Variants in FHIT observed in about 807,000 individuals in gnomAD.
FHIT encodes the protein bis(5'-adenosyl)-triphosphatase.
Under a neutral mutation model 17.9 loss-of-function variants are expected in FHIT, and 19 were observed. The ratio of observed to expected loss-of-function variants is 1.06; its 90% CI spans 0.74 to 1.56. The LOEUF is 1.56. FHIT is among the 40% of genes most tolerant of loss of function. The pLI is 0.00. For synonymous variants in FHIT, 81 were observed against 69.7 expected, an observed-to-expected ratio of 1.16 and a Z score of -0.81; for missense variants, 248 against 189.2, an observed-to-expected ratio of 1.31 and a Z score of -1.82.
At chr3:61,154,270 C>T (rs75939878) in intron 2 of FHIT, among the ~76,000 whole-genome samples, 5 of 152,058 alleles carry the variant, frequency 3.3e-5, no homozygotes, top group Admixed American at 6.6e-5. Flanking sequence ...CTAAATGAAC[C>T]GAACATATTA....
chr3:60,013,724 C>T (rs1700227459), intron 6 of FHIT, among the ~76,000 whole-genome samples: 1 of 152,170 alleles, frequency 6.6e-6, no homozygotes, highest in Admixed American at 6.5e-5. Context: ...AGTCCCAGTT[C>T]CAGTAAGCAA....
At chr3:60,561,656 T>C (rs1315317240) in intron 4 of FHIT, among the ~76,000 whole-genome samples, 1 of 152,170 alleles carries the variant, frequency 6.6e-6, no homozygotes, top group Non-Finnish European at 1.5e-5. Flanking sequence ...TTTGTAGTTC[T>C]GACACCATTC....
chr3:60,116,310 G>A (rs1019600694), intron 5 of FHIT, among the ~76,000 whole-genome samples: 1 of 152,132 alleles, frequency 6.6e-6, no homozygotes, highest in South Asian at 2.1e-4. Flanking sequence ...GGAAAAGGTG[G>A]TGTGTAACTT....
At chr3:60,066,427 A>G (rs895197946) in intron 5 of FHIT, among the ~76,000 whole-genome samples, 2 of 152,050 alleles carry the variant, frequency 1.3e-5, no homozygotes, top group African/African-American at 2.4e-5. Context: ...CACTTTGTCA[A>G]TATCTCCATG....
chr3:61,225,599 C>A (rs1412629527), intron 1 of FHIT, among the ~76,000 whole-genome samples: 1 of 152,146 alleles, frequency 6.6e-6, no homozygotes, highest in Admixed American at 6.5e-5. Context: ...ATACTTTCTG[C>A]GGTTTCAGTA....
intron 4 of FHIT, among the ~76,000 whole-genome samples, chr3:60,640,186 T>G (rs563989463): frequency 6.6e-6 from 1 of 152,268 alleles, no homozygotes; most frequent in South Asian, 2.1e-4. Context: ...GTGGCAGAAA[T>G]GTTCTGCACC....
chr3:60,089,503 G>A (rs537423083), intron 5 of FHIT, among the ~76,000 whole-genome samples: 6 of 152,182 alleles, frequency 3.9e-5, no homozygotes, highest in South Asian at 2.1e-4. Flanking sequence ...ATAAATGGAC[G>A]GAAAGAGGCC....
chr3:60,304,741 C>T (rs1708598438), intron 5 of FHIT, among the ~76,000 whole-genome samples: 1 of 152,026 alleles, frequency 6.6e-6, no homozygotes, highest in African/African-American at 2.4e-5. Context: ...CCCTGTACTC[C>T]TATTTGCTAA....
In FHIT at chr3:59,906,998, T is replaced by C. The variant is rs13313997; in HGVS notation, c.348+15348A>G. 8.1e-3 allele frequency among the ~76,000 whole-genome samples: 1,236 copies of C among 152,344 alleles called. 23 individuals are homozygous for C. The highest frequency in any genetic ancestry group is 0.028 in the African/African-American group (1,169 of 41,580). On this transcript the variant is annotated intron_variant, in intron 8 of 9. Coordinates refer to ENST00000492590, the MANE Select transcript of FHIT (RefSeq NM_002012.4). ...CTCAGGGCAAGTGATTCTTTCTCAA[T>C]TGAACTATTTAGTGTCATAGAATCA...
chr3:60,736,902 G>A (rs9311777), intron 4 of FHIT, among the ~76,000 whole-genome samples: 3,967 of 152,180 alleles, frequency 0.026, 199 homozygotes, highest in African/African-American at 0.089. Context: ...TTAAAGTGAC[G>A]TTCTTGTTGG....
Position 60,029,901 on chromosome 3 carries a change from G to GTGTGTC in FHIT, c.104-15750_104-15749insGACACA, listed in dbSNP as rs1365882861. On this transcript the variant is annotated intron_variant, in intron 5 of 9. Transcript: ENST00000492590. ...GCATTGTGTGTGTGTGTGTGTCTGT[G>GTGTGTC]TGTGTGTGTGTGTGTGTGTGTGTGT... Among the ~76,000 whole-genome samples the GTGTGTC allele has an allele frequency of 6.1e-3, 871 of 143,098 alleles. 6 individuals are homozygous for GTGTGTC. Among genetic ancestry groups the GTGTGTC allele is most frequent in the African/African-American group, 0.023 (811 of 35,346 alleles). 93.9% of individuals were successfully genotyped at this position (143,098 alleles called of 152,430 possible).
intron 2 of FHIT, among the ~76,000 whole-genome samples, chr3:61,199,775 T>C (rs981311437): frequency 6.6e-6 from 1 of 152,086 alleles, no homozygotes; most frequent in Admixed American, 6.6e-5. Context: ...CCTAAAAGTA[T>C]CAAAAATGTA....
At chr3:61,189,350 A>C (rs1052137548) in intron 2 of FHIT, among the ~76,000 whole-genome samples, 3 of 152,210 alleles carry the variant, frequency 2.0e-5, no homozygotes, top group Non-Finnish European at 1.5e-5. Context: ...CAAAGAGAAT[A>C]AAATACCTAG....
chr3:60,013,862 C>G (rs1428918854), intron 6 of FHIT, 145 bp downstream of exon 6: 12 of 785,058 alleles, frequency 1.5e-5, no homozygotes, highest in South Asian at 7.0e-5. Context: ...GTAGGGTTGC[C>G]CTGCATTAGA....
At chr3:60,542,119 A>G (rs2036205689) in intron 4 of FHIT, among the ~76,000 whole-genome samples, 1 of 152,198 alleles carries the variant, frequency 6.6e-6, no homozygotes, top group Admixed American at 6.5e-5. Flanking sequence ...ATTTGTATAT[A>G]AATTGTAGGT....
intron 5 of FHIT, among the ~76,000 whole-genome samples, chr3:60,470,567 T>C (rs1251747176): frequency 2.0e-5 from 3 of 151,878 alleles, no homozygotes; most frequent in Admixed American, 6.6e-5. Context: ...AGTGAGCTTG[T>C]GGTGAATGCT....
intron 5 of FHIT, among the ~76,000 whole-genome samples, chr3:60,015,087 G>A (rs1037855177): frequency 6.6e-6 from 1 of 152,030 alleles, no homozygotes; most frequent in Non-Finnish European, 1.5e-5. Flanking sequence ...ACAAACTCTT[G>A]TACGTTTTTC....
chr3:60,709,747 T>C (rs2041469066), intron 4 of FHIT, among the ~76,000 whole-genome samples: 1 of 152,212 alleles, frequency 6.6e-6, no homozygotes, highest in Non-Finnish European at 1.5e-5. Flanking sequence ...GTCAAGCTCA[T>C]GGTGGCATAT....
chr3:60,679,283 C>G (rs1716724), intron 4 of FHIT, among the ~76,000 whole-genome samples: 121,025 of 152,108 alleles, frequency 0.8, 49,110 homozygotes, highest in Non-Finnish European at 0.88. Flanking sequence ...CTTAAAAAGT[C>G]CTACCCATTT....
Sources: allele counts gnomAD v4.1 joint callset (sites outside exome capture counted in the v4.1 genomes callset), GRCh38; gene constraint gnomAD v4.1.1; transcripts MANE v1.5; gene names NCBI Gene and HGNC (gene_info 2026-07-23, HGNC 2026-07-21).